Variants in RNF207 observed in about 807,000 individuals in gnomAD.
RNF207 encodes OTTHUMG00000001089.
Under a neutral mutation model 79.0 loss-of-function variants are expected in RNF207, and 72 were observed. The observed-to-expected ratio is 0.91, with a 90% CI of 0.75 to 1.11. The LOEUF is 1.11. Ranked by LOEUF, RNF207 falls within the 50% of genes least tolerant of loss-of-function variation. The probability of loss-of-function intolerance (pLI) is 0.00; values close to 1 mark genes in which losing one functional copy is unlikely to be tolerated. For missense variants in RNF207, 936 were observed against 855.8 expected (o/e 1.09, Z -1.17); for synonymous variants, 348 against 366.2 (o/e 0.95, Z 0.57).
rs1377255951 is a variant in RNF207 at position 6,207,947 on chromosome 1, G to A, written c.324+436G>A. 2 of 335,380 alleles carry A rather than the reference G, an allele frequency of 6.0e-6. No homozygotes were observed. The highest frequency in any genetic ancestry group is 1.2e-5 in the Non-Finnish European group (2 of 167,308). The allele number at this position is 335,380 out of a possible 1,614,324, so 20.8% of individuals were successfully genotyped here. On this transcript the variant is annotated intron_variant, in intron 3 of 17. Transcript: ENST00000377939. The surrounding 1 kb of genome is among the most constrained non-coding windows in gnomAD (Gnocchi z 4.5). ...AAAGGCACAGGGGACTCTGGCCTGC[G>A]GAGGCCAGAAAATGTATCGGGAATC...
At chr1:6,208,379 C>T (rs1217172005) in intron 3 of RNF207, 3 of 154,630 alleles carry the variant, frequency 1.9e-5, no homozygotes, top group African/African-American at 7.2e-5. Context: ...AGTGCAGTGG[C>T]GCCAACTTGA....
In RNF207 at chr1:6,210,905, G is replaced by A; in HGVS notation, c.978G>A (p.Arg326=). 1 of 1,606,134 alleles carries A rather than the reference G, an allele frequency of 6.2e-7. No homozygotes were observed. The highest frequency in any genetic ancestry group is 8.5e-7 in the Non-Finnish European group (1 of 1,177,294). Residue 326 remains arginine, a synonymous_variant, in exon 11 of 18, where the codon CGG becomes CGA. Coordinates refer to ENST00000377939, the MANE Select transcript of RNF207 (RefSeq NM_207396.3). ...LMERLQGIVT[R]PHHLRPIQSS... The stretch of plus-strand genomic sequence containing the variant: ...AGAGGCTGCAGGGCATCGTCACGCG[G>A]CCGCACCACCTAAGGCCTATTCAGA...
At chr1:6,210,178 C>T (rs1273785469) in intron 8 of RNF207, 45 bp from the exon 9 acceptor site, 1 of 1,540,668 alleles carries the variant, frequency 6.5e-7, no homozygotes, top group Admixed American at 1.7e-5. Flanking sequence ...AACTGCCCGG[C>T]CCTGCTCCTG....
intron 13 of RNF207, 42 bp from the exon 14 acceptor site, chr1:6,212,189 A>G: frequency 6.3e-7 from 1 of 1,580,288 alleles, no homozygotes; most frequent in Non-Finnish European, 8.6e-7. Flanking sequence ...CAGTAAAAAC[A>G]GCCTAGGGTG....
At chr1:6,210,159 G>C in intron 8 of RNF207, 64 bp from the exon 9 acceptor site, 1 of 1,441,192 alleles carries the variant, frequency 6.9e-7, no homozygotes, top group East Asian at 2.3e-5. Context: ...GGAGGCGGGT[G>C]GGGGATGGAA....
At chr1:6,214,779 T>A (rs2100942060) in intron 16 of RNF207, among the ~76,000 whole-genome samples, 1 of 149,986 alleles carries the variant, frequency 6.7e-6, no homozygotes, top group East Asian at 2.0e-4. Context: ...GGACTACAGA[T>A]GTGCACCACC....
At chr1:6,206,756 C>A in intron 2 of RNF207, 30 bp downstream of exon 2, 1 of 1,585,004 alleles carries the variant, frequency 6.3e-7, no homozygotes. Context: ...CCAAAACCCC[C>A]CAGACCCCAT....
chr1:6,218,337 C>G lies in RNF207; in HGVS notation c.1701C>G (p.His567Gln). 6.2e-7 allele frequency: 1 copy of G among 1,614,010 alleles called. No homozygotes were observed. Among genetic ancestry groups the G allele is most frequent in the Non-Finnish European group, 8.5e-7 (1 of 1,179,894 alleles). ...AGTCAGAGAGTCTACAGAACACGCACGACGACAGCAGGAACAACGCGGCCT... is the reference window on the plus strand; with the variant it reads ...AGTCAGAGAGTCTACAGAACACGCAGGACGACAGCAGGAACAACGCGGCCT... ...DEQSESLQNT[H>Q]DDSRNNAASA... The change falls in exon 17 of 18, where the codon CAC becomes CAG. Residue 567 changes from histidine (H) to glutamine (Q), a missense_variant. His to Gln is a conservative substitution (Grantham distance 24, BLOSUM62 0). Transcript: ENST00000377939.
chr1:6,210,157 G>T lies in RNF207; in HGVS notation c.801-66G>T, dbSNP rs1370448491. On this transcript the variant is annotated intron_variant, in intron 8 of 17. Transcript: ENST00000377939. ...GACGGACATGCGAAGCTGGAGGCGG[G>T]TGGGGGATGGAACTGCCCGGCCCTG... 6 of 1,438,298 alleles carry T rather than the reference G, an allele frequency of 4.2e-6. No homozygotes were observed. In the South Asian group the frequency reaches 7.1e-5, roughly 17 times the overall value. 89.1% of individuals were successfully genotyped at this position (1,438,298 alleles called of 1,614,324 possible).
Position 6,209,986 on chromosome 1 carries a change from C to T in RNF207, c.800+16C>T, listed in dbSNP as rs1164195602. The T allele has an allele frequency of 8.9e-6, 14 of 1,571,310 alleles. No individual in the cohort carries two copies. The highest frequency in any genetic ancestry group is 1.2e-5 in the Non-Finnish European group (14 of 1,157,806). On this transcript the variant is annotated intron_variant, in intron 8 of 17. Transcript: ENST00000377939. ...CTGTGCAGAGGTGAGTTGGGGGGAG[C>T]GGGGCTTGCTTCCCTTACCCCTTGG... is the stretch of plus-strand genomic sequence containing the variant.
intron 17 of RNF207, 105 bp from the exon 18 acceptor site, chr1:6,219,131 C>A: frequency 9.6e-7 from 1 of 1,039,898 alleles, no homozygotes; most frequent in Non-Finnish European, 1.4e-6. Flanking sequence ...CTGAGGCCTT[C>A]CAGGAAGACG....
chr1:6,209,663 A>G, intron 7 of RNF207, 124 bp downstream of exon 7: 2 of 1,217,376 alleles, frequency 1.6e-6, no homozygotes, highest in South Asian at 1.7e-5. Flanking sequence ...ACTTTCCTGG[A>G]GTTGCTAGGA....
In RNF207 at chr1:6,219,499, TTTTTTA is replaced by T. The variant is rs1372129122; in HGVS notation, c.*98_*103del. 4.1e-6 allele frequency: 4 copies of T among 985,214 alleles called. No individual in the cohort carries two copies. The East Asian group carries it at 8.1e-5, about 20-fold the overall frequency. 61.0% of individuals were successfully genotyped at this position (985,214 alleles called of 1,614,324 possible). A position where few individuals can be genotyped will look rare whatever the true frequency, so the allele number is the denominator to read the frequency against. On this transcript the variant is annotated 3_prime_UTR_variant, in exon 18 of 18. Coordinates refer to ENST00000377939, the MANE Select transcript of RNF207 (RefSeq NM_207396.3). ...GTTGTTCCCATGATGGTTTTTTTTA[TTTTTTA>T]TTTTTGAGATGGAGTTTCGCTCTGT...
intron 1 of RNF207, 28 bp downstream of exon 1, chr1:6,206,330 GTCC>G (rs1667896546): frequency 1.8e-6 from 1 of 564,442 alleles, no homozygotes; most frequent in Non-Finnish European, 3.1e-6. Flanking sequence ...CCCCTCGCCA[GTCC>G]TCACTGCCTG....
rs770229971 is a variant in RNF207 at position 6,211,095 on chromosome 1, AGCT to A, written c.1092_1094del (p.Ala365del). The A allele has an allele frequency of 9.4e-6, 15 of 1,599,498 alleles. No homozygotes were observed. The highest frequency in any genetic ancestry group is 3.4e-5 in the Admixed American group (2 of 59,372). ...TGCTGCTGGGGCCACGTCGGGTGGC[AGCT>A]GCTGCAAGTGGTGCTAACACGTGAG... On this transcript the variant is annotated inframe_deletion, in exon 12 of 18. Coordinates refer to ENST00000377939, the MANE Select transcript of RNF207 (RefSeq NM_207396.3). The surrounding 1 kb of genome is among the most constrained non-coding windows in gnomAD (Gnocchi z 4.2).
intron 4 of RNF207, 35 bp downstream of exon 4, chr1:6,209,060 T>TGGGGGGGGGGGGGGGGGGGGTGGGGGGG: frequency 4.8e-6 from 1 of 210,396 alleles, no homozygotes; most frequent in Non-Finnish European, 8.2e-6. Flanking sequence ...GACTTGGGGG[T>TGGGGGGGGGGGGGGGGGGGGTGGGGGGG]GGGGGCGGGG....
In RNF207 at chr1:6,207,958, A is replaced by G; in HGVS notation, c.324+447A>G. On this transcript the variant is annotated intron_variant, in intron 3 of 17. Transcript: ENST00000377939. The surrounding 1 kb of genome is among the most constrained non-coding windows in gnomAD (Gnocchi z 4.5). ...GGACTCTGGCCTGCGGAGGCCAGAA[A>G]ATGTATCGGGAATCCCAGGAGGACG... 3.0e-6 allele frequency: 1 copy of G among 329,942 alleles called. No homozygotes were observed. The highest frequency in any genetic ancestry group is 2.5e-5 in the South Asian group (1 of 39,318). The allele number at this position is 329,942 out of a possible 1,614,324, so 20.4% of individuals were successfully genotyped here.
rs114129916 is a variant in RNF207 at position 6,210,727 on chromosome 1, G to A, written c.943-143G>A. On this transcript the variant is annotated intron_variant, in intron 10 of 17. Transcript: ENST00000377939. ...TTGGGGATGGGATGGGGGTTTGTCC[G>A]GGTGAGTCCCAGAAGAGGGCTGGCG... The A allele has an allele frequency of 6.6e-3, 5,078 of 772,728 alleles. 23 individuals are homozygous for A. The highest frequency in any genetic ancestry group is 9.5e-3 in the Non-Finnish European group (4,425 of 464,912). The allele number at this position is 772,728 out of a possible 1,614,324, so 47.9% of individuals were successfully genotyped here.
Position 6,212,723 on chromosome 1 carries a change from G to A in RNF207, c.1524G>A (p.Glu508=). The part of the protein sequence containing the change: ...EAYQRVANEQ[E]IYEAQLHDLL... ...ATCAGCGAGTGGCTAATGAGCAGGA[G>A]ATTTATGAAGGTTCCAGACAGTTGG... Residue 508 remains glutamate (E), a synonymous_variant, in exon 15 of 18, where the codon GAG becomes GAA. Transcript: ENST00000377939. 1 of 1,613,628 alleles carries A rather than the reference G, an allele frequency of 6.2e-7. No homozygotes were observed. Among genetic ancestry groups the A allele is most frequent in the Middle Eastern group, 1.7e-4 (1 of 6,048 alleles).
Sources: allele counts gnomAD v4.1 joint callset (sites outside exome capture counted in the v4.1 genomes callset), GRCh38; gene constraint gnomAD v4.1.1; non-coding constraint Gnocchi (gnomAD v3.1); transcripts MANE v1.5; gene names NCBI Gene and HGNC (gene_info 2026-07-23, HGNC 2026-07-21).